LRP1B: variants seen among roughly 807,000 people sequenced by gnomAD.
LRP1B encodes the protein LDL receptor related protein 1B.
In LRP1B, 217 loss-of-function variants were observed where a neutral mutation model predicts 556.6. The ratio of observed to expected loss-of-function variants is 0.39; its 90% confidence interval spans 0.35 to 0.44. The LOEUF (loss-of-function observed/expected upper bound fraction) is 0.44. Among genes scored for constraint, LRP1B ranks in the 20% least tolerant of loss-of-function variants. The probability of loss-of-function intolerance (pLI) is 1.00; values close to 1 mark genes in which losing one functional copy is unlikely to be tolerated. For missense variants in LRP1B, 5,053 were observed against 5,620.8 expected (o/e 0.90, Z 3.23); for synonymous variants, 2,047 against 1,865.8 (o/e 1.10, Z -2.50).
At chr2:141,499,089 G>A (rs1264323645) in intron 2 of LRP1B, among the ~76,000 whole-genome samples, 1 of 152,046 alleles carries the variant, frequency 6.6e-6, no homozygotes, top group African/African-American at 2.4e-5. Flanking sequence ...GCCTTCCCTT[G>A]TTAATAATGT....
intron 7 of LRP1B, among the ~76,000 whole-genome samples, chr2:141,180,918 AAAGAT>A (rs1207334088): frequency 3.3e-5 from 5 of 151,964 alleles, no homozygotes; most frequent in African/African-American, 1.2e-4. Flanking sequence ...AGAACAAAGA[AAAGAT>A]AAGGCGTAGC....
intron 41 of LRP1B, among the ~76,000 whole-genome samples, chr2:140,613,376 TATA>T (rs1376605494): frequency 1.9e-5 from 2 of 104,986 alleles, no homozygotes; most frequent in African/African-American, 5.8e-5. Context: ...TATAAATATA[TATA>T]ATTATATACA....
At chr2:141,514,518 G>A (rs1292038694) in intron 2 of LRP1B, among the ~76,000 whole-genome samples, 4 of 152,106 alleles carry the variant, frequency 2.6e-5, no homozygotes, top group Non-Finnish European at 4.4e-5. Flanking sequence ...CTTATATCAG[G>A]GTTCTCCTAG....
intron 7 of LRP1B, among the ~76,000 whole-genome samples, chr2:141,091,209 T>C (rs1700163250): frequency 6.6e-6 from 1 of 152,120 alleles, no homozygotes; most frequent in South Asian, 2.1e-4. Flanking sequence ...GAGGGATTTG[T>C]AGGCCATTTG....
intron 43 of LRP1B, among the ~76,000 whole-genome samples, chr2:140,582,886 C>A (rs976163493): frequency 2.6e-5 from 4 of 152,142 alleles, no homozygotes; most frequent in Non-Finnish European, 4.4e-5. Context: ...GGCCCAAATG[C>A]AAATGGACTG....
At chr2:140,699,577 C>T (rs1686556079) in intron 41 of LRP1B, among the ~76,000 whole-genome samples, 1 of 151,300 alleles carries the variant, frequency 6.6e-6, no homozygotes, top group African/African-American at 2.4e-5. Flanking sequence ...ATGGAAATCA[C>T]ACAAAGACAT....
chr2:142,007,384 T>C (rs1397725393), intron 1 of LRP1B, among the ~76,000 whole-genome samples: 5 of 152,190 alleles, frequency 3.3e-5, no homozygotes, highest in Non-Finnish European at 5.9e-5. Flanking sequence ...ATATGTTCAC[T>C]TGATAATAAA....
At chr2:141,146,500 T>C (rs1239456097) in intron 7 of LRP1B, among the ~76,000 whole-genome samples, 1 of 152,188 alleles carries the variant, frequency 6.6e-6, no homozygotes, top group East Asian at 1.9e-4. Context: ...TCCACAAAAA[T>C]GTTAAAAGTT....
At chr2:141,842,116 G>A (rs1363236425) in intron 1 of LRP1B, among the ~76,000 whole-genome samples, 2 of 151,924 alleles carry the variant, frequency 1.3e-5, no homozygotes, top group Non-Finnish European at 2.9e-5. Flanking sequence ...GTCATTTTTT[G>A]GTGGAAGAGA....
At chr2:141,819,489 GA>G (rs1558897670) in intron 1 of LRP1B, among the ~76,000 whole-genome samples, 1 of 152,152 alleles carries the variant, frequency 6.6e-6, no homozygotes, top group Non-Finnish European at 1.5e-5. Context: ...GCCAGGAAAA[GA>G]AAGTTAAACA....
intron 79 of LRP1B, among the ~76,000 whole-genome samples, chr2:140,329,979 C>T (rs186484348): frequency 1.3e-5 from 2 of 151,616 alleles, no homozygotes; most frequent in Admixed American, 6.6e-5. Context: ...GCGGGTTGAT[C>T]GCTTGAGATC....
At chr2:140,343,398 C>T (rs2105100663) in intron 77 of LRP1B, among the ~76,000 whole-genome samples, 1 of 151,550 alleles carries the variant, frequency 6.6e-6, no homozygotes, top group South Asian at 2.1e-4. Flanking sequence ...TCATAAAATG[C>T]CTGGACTATC....
intron 32 of LRP1B, among the ~76,000 whole-genome samples, chr2:140,789,846 G>A (rs1690049873): frequency 6.6e-6 from 1 of 151,554 alleles, no homozygotes; most frequent in Non-Finnish European, 1.5e-5. Context: ...TAGCCGGGAT[G>A]GTCTCGATCT....
chr2:141,611,882 C>T lies in LRP1B; in HGVS notation c.206-131349G>A, dbSNP rs550942699. On this transcript the variant is annotated intron_variant, in intron 2 of 90. Coordinates refer to ENST00000389484, the MANE Select transcript of LRP1B (RefSeq NM_018557.3). ...TTTATTTGAGGAAACAGGACACAGC[C>T]CGATTTAATGGGAATTTCTTCAGAG... Among the ~76,000 whole-genome samples, 7 of 152,202 alleles carry T rather than the reference C, an allele frequency of 4.6e-5. No individual in the cohort carries two copies. In the East Asian group the frequency reaches 1.2e-3, roughly 25 times the overall value.
chr2:142,129,080 A>C (rs1012567464), intron 1 of LRP1B, among the ~76,000 whole-genome samples: 4 of 152,208 alleles, frequency 2.6e-5, no homozygotes, highest in African/African-American at 9.6e-5. Context: ...TTTTGCTAGC[A>C]TACTGGGCTG....
intron 2 of LRP1B, among the ~76,000 whole-genome samples, chr2:141,488,614 A>G (rs1422716612): frequency 6.6e-6 from 1 of 151,878 alleles, no homozygotes. Flanking sequence ...TTGTGTCACC[A>G]AACCTGGCTA....
At chr2:140,380,288 T>C (rs984921390) in intron 67 of LRP1B, among the ~76,000 whole-genome samples, 7 of 152,044 alleles carry the variant, frequency 4.6e-5, no homozygotes, top group African/African-American at 1.7e-4. Context: ...TTGCTTCCCA[T>C]ACAATTGAGG....
intron 11 of LRP1B, among the ~76,000 whole-genome samples, chr2:141,021,305 G>A (rs1698058148): frequency 6.6e-6 from 1 of 151,904 alleles, no homozygotes; most frequent in South Asian, 2.1e-4. Context: ...AACCCTTGTT[G>A]CTAATCAACA....
rs533877642 is a variant in LRP1B at position 140,682,309 on chromosome 2, T to C, written c.6799+17941A>G. On this transcript the variant is annotated intron_variant, in intron 41 of 90. Coordinates refer to ENST00000389484, the MANE Select transcript of LRP1B (RefSeq NM_018557.3). ...TATCACACTAACTTGTGGTTATTTCTGCTGCTAAGATTTTCTCTCCTACTT... is the reference window on the plus strand; with the variant it reads ...TATCACACTAACTTGTGGTTATTTCCGCTGCTAAGATTTTCTCTCCTACTT... Among the ~76,000 whole-genome samples, 25 of 152,336 alleles carry C rather than the reference T, an allele frequency of 1.6e-4. No homozygotes were observed. In the East Asian group the frequency reaches 4.8e-3, roughly 29 times the overall value.
Sources: gnomAD v4.1 joint callset for allele counts (sites outside exome capture counted in the v4.1 genomes callset) on GRCh38, gnomAD v4.1.1 for gene constraint, MANE v1.5 for transcripts, NCBI Gene and HGNC (gene_info 2026-07-23, HGNC 2026-07-21) for gene names.